Variants in EYS observed in about 807,000 individuals in gnomAD.
EYS encodes EGF-like photoreceptor maintenance factor.
In EYS, 250 loss-of-function variants were observed where a neutral mutation model predicts 282.1. The observed-to-expected ratio is 0.89, with a 90% CI of 0.80 to 0.98. The LOEUF is 0.98. Among genes scored for constraint, EYS ranks in the 50% least tolerant of loss-of-function variants. EYS has a pLI of 0.00. For missense variants in EYS, 4,016 were observed against 3,709.0 expected (o/e 1.08, Z -2.15); for synonymous variants, 1,355 against 1,282.9 (o/e 1.06, Z -1.20).
intron 26 of EYS, among the ~76,000 whole-genome samples, chr6:64,537,005 TTTTG>T (rs1292744990): frequency 6.7e-6 from 1 of 149,456 alleles, no homozygotes; most frequent in African/African-American, 2.5e-5. Flanking sequence ...AATTTATTTA[TTTTG>T]TTTTTTTTTT....
intron 22 of EYS, among the ~76,000 whole-genome samples, chr6:64,632,705 A>G (rs956777582): frequency 6.6e-6 from 1 of 152,216 alleles, no homozygotes; most frequent in African/African-American, 2.4e-5. Flanking sequence ...GTAAACTTCT[A>G]TGTTTCTGGG....
chr6:63,984,592 T>A lies in EYS; in HGVS notation c.6846A>T (p.Glu2282Asp). 1 of 1,547,794 alleles carries A rather than the reference T, an allele frequency of 6.5e-7. No homozygotes were observed. The highest frequency in any genetic ancestry group is 8.7e-7 in the Non-Finnish European group (1 of 1,144,086). The change falls in exon 35 of 43, where the codon GAA (glutamate) becomes GAT (aspartate). Residue 2282 changes from glutamate (E) to aspartate (D), a missense_variant. Transcript: ENST00000503581. ...CAGGAATATGGCCAAGGAACATTGATTCAAAATATGCCTGTAGAAAAAGTA... is the reference window on the plus strand; with the variant it reads ...CAGGAATATGGCCAAGGAACATTGAATCAAAATATGCCTGTAGAAAAAGTA... ...EISHASQAYF[E>D]SMFLGHIPAN... is the part of the protein sequence containing the mutation.
chr6:65,667,845 T>A (rs1768252668), intron 1 of EYS, among the ~76,000 whole-genome samples: 1 of 151,904 alleles, frequency 6.6e-6, no homozygotes, highest in Non-Finnish European at 1.5e-5. Context: ...AGAAGCTTGT[T>A]GATATGCTAA....
intron 19 of EYS, among the ~76,000 whole-genome samples, chr6:64,884,126 A>C (rs1364908586): frequency 6.6e-6 from 1 of 151,634 alleles, no homozygotes; most frequent in Non-Finnish European, 1.5e-5. Context: ...ATAATTAAGA[A>C]TCATAAACTT....
At chr6:64,917,293 A>T (rs1768196393) in intron 15 of EYS, among the ~76,000 whole-genome samples, 1 of 152,102 alleles carries the variant, frequency 6.6e-6, no homozygotes, top group Non-Finnish European at 1.5e-5. Flanking sequence ...AATCTTAATA[A>T]ATGTCAATTT....
At chr6:65,065,413 C>T (rs1327089647) in intron 12 of EYS, among the ~76,000 whole-genome samples, 5 of 145,048 alleles carry the variant, frequency 3.4e-5, no homozygotes, top group Non-Finnish European at 6.0e-5. Context: ...GATGGAGTAT[C>T]GCTCTGTCTC....
chr6:64,808,167 T>A (rs916622117), intron 22 of EYS, among the ~76,000 whole-genome samples: 1 of 151,570 alleles, frequency 6.6e-6, no homozygotes, highest in Non-Finnish European at 1.5e-5. Flanking sequence ...ATGATCACGA[T>A]ATAGCACACT....
chr6:64,929,509 T>C (rs1768637229), intron 15 of EYS, among the ~76,000 whole-genome samples: 1 of 152,152 alleles, frequency 6.6e-6, no homozygotes, highest in South Asian at 2.1e-4. Flanking sequence ...CCCCTTTTCT[T>C]CCTTTGTGCT....
intron 5 of EYS, among the ~76,000 whole-genome samples, chr6:65,485,287 G>C (rs1304221568): frequency 6.6e-6 from 1 of 152,182 alleles, no homozygotes; most frequent in Non-Finnish European, 1.5e-5. Flanking sequence ...AAAAATGTTA[G>C]TAAATATTTT....
chr6:64,874,840 GCCTGTATGCTAAGGTAGTTCACAT>G (rs1380805957), intron 19 of EYS, among the ~76,000 whole-genome samples: 2 of 152,028 alleles, frequency 1.3e-5, no homozygotes, highest in African/African-American at 4.8e-5. Flanking sequence ...GCCTGAACGT[GCCTGTATGCTAAGGTAGTTCACAT>G]CGTGTATGAA....
At chr6:64,672,287 A>G (rs566399759) in intron 22 of EYS, among the ~76,000 whole-genome samples, 2 of 152,340 alleles carry the variant, frequency 1.3e-5, no homozygotes, top group Non-Finnish European at 2.9e-5. Flanking sequence ...TGCAAGACTC[A>G]AATGCATTAG....
At chr6:64,249,063 CA>C (rs34663169) in intron 30 of EYS, among the ~76,000 whole-genome samples, 8,538 of 69,956 alleles carry the variant, frequency 0.12, 201 homozygotes, top group Non-Finnish European at 0.16. Context: ...CACCCTGTCT[CA>C]AAAAAAAAAA....
intron 12 of EYS, among the ~76,000 whole-genome samples, chr6:65,191,492 T>C (rs1178359112): frequency 6.6e-6 from 1 of 151,836 alleles, no homozygotes; most frequent in Non-Finnish European, 1.5e-5. Flanking sequence ...AAAAATATGC[T>C]CATATATCAC....
intron 2 of EYS, among the ~76,000 whole-genome samples, chr6:65,572,709 T>C (rs1022834084): frequency 5.9e-5 from 9 of 152,132 alleles, no homozygotes; most frequent in African/African-American, 2.2e-4. Context: ...TGGATGTTCA[T>C]ACAATAATAG....
chr6:65,169,586 C>G (rs186378780), intron 12 of EYS, among the ~76,000 whole-genome samples: 155 of 151,342 alleles, frequency 1.0e-3, no homozygotes, highest in Non-Finnish European at 1.7e-3. Flanking sequence ...AATTATGGTA[C>G]TTTTTACAAG....
At chr6:64,336,283 A>T (rs1355942637) in intron 29 of EYS, among the ~76,000 whole-genome samples, 1 of 152,084 alleles carries the variant, frequency 6.6e-6, no homozygotes, top group African/African-American at 2.4e-5. Flanking sequence ...AAGGTGTAGG[A>T]AAAGGAATTT....
intron 16 of EYS, among the ~76,000 whole-genome samples, chr6:64,912,264 T>C (rs1768021777): frequency 6.6e-6 from 1 of 152,014 alleles, no homozygotes; most frequent in Admixed American, 6.6e-5. Context: ...AAAGCTTCAC[T>C]CTTTTCCCTC....
At chr6:64,954,981 C>T (rs138019238) in intron 14 of EYS, among the ~76,000 whole-genome samples, 1,830 of 152,118 alleles carry the variant, frequency 0.012, 39 homozygotes, top group African/African-American at 0.042. Flanking sequence ...CTAGCCTGGC[C>T]AATATGGTGA....
rs554169593 is a variant in EYS at position 64,892,482 on chromosome 6, T to C, written c.2847-5640A>G. 1.1e-4 allele frequency among the ~76,000 whole-genome samples: 16 copies of C among 152,146 alleles called. No homozygotes were observed. The East Asian group carries it at 1.5e-3, about 15-fold the overall frequency. ...GGTGAAACTTTCTGATAAGGACTTTTAAGCCTATGTTAAAGTAATTCAAAT... is the reference window on the plus strand; with the variant it reads ...GGTGAAACTTTCTGATAAGGACTTTCAAGCCTATGTTAAAGTAATTCAAAT... On this transcript the variant is annotated intron_variant, in intron 18 of 42. Coordinates refer to ENST00000503581, the MANE Select transcript of EYS (RefSeq NM_001142800.2).
Sources: gnomAD v4.1 joint callset for allele counts (sites outside exome capture counted in the v4.1 genomes callset) on GRCh38, gnomAD v4.1.1 for gene constraint, MANE v1.5 for transcripts, NCBI Gene and HGNC (gene_info 2026-07-23, HGNC 2026-07-21) for gene names.